Variants in MDGA2 observed in about 807,000 individuals in gnomAD.
MDGA2 encodes the protein MAM domain-containing glycosylphosphatidylinositol anchor protein 2.
A neutral mutation model predicts 117.8 loss-of-function variants in MDGA2; 40 were observed. The ratio of observed to expected loss-of-function variants is 0.34; its 90% confidence interval spans 0.26 to 0.44. MDGA2 has a LOEUF of 0.44. Ranked by LOEUF, MDGA2 falls within the 20% of genes least tolerant of loss-of-function variation. The pLI is 1.00. For synonymous variants in MDGA2, 452 were observed against 439.0 expected (o/e 1.03, Z -0.37); for missense variants, 1,123 against 1,250.6 (o/e 0.90, Z 1.54).
chr14:47,646,463 G>A (rs1371399176), intron 1 of MDGA2, among the ~76,000 whole-genome samples: 2 of 152,098 alleles, frequency 1.3e-5, no homozygotes, highest in East Asian at 3.9e-4. Flanking sequence ...AAAAGTGATT[G>A]AAAATGCATG....
intron 8 of MDGA2, among the ~76,000 whole-genome samples, chr14:47,007,826 T>C (rs539104537): frequency 1.3e-5 from 2 of 151,846 alleles, no homozygotes; most frequent in Non-Finnish European, 2.9e-5. Context: ...GATACTCATT[T>C]TAATGCCATG....
At chr14:47,025,952 C>A (rs775115481) in intron 8 of MDGA2, among the ~76,000 whole-genome samples, 50 of 152,034 alleles carry the variant, frequency 3.3e-4, no homozygotes, top group Non-Finnish European at 5.0e-4. Flanking sequence ...GAATTTGATA[C>A]CAAATACGCC....
chr14:47,332,540 A>C (rs2139915885), intron 1 of MDGA2, among the ~76,000 whole-genome samples: 1 of 148,312 alleles, frequency 6.7e-6, no homozygotes, highest in East Asian at 1.9e-4. Flanking sequence ...TTGAAAGAAA[A>C]AGATGTAAAG....
intron 3 of MDGA2, among the ~76,000 whole-genome samples, chr14:47,184,924 A>T (rs1884850973): frequency 6.6e-6 from 1 of 151,458 alleles, no homozygotes; most frequent in Non-Finnish European, 1.5e-5. Flanking sequence ...TTTAAAACCC[A>T]TTAAAAGAAT....
At chr14:47,117,991 T>G (rs1444809710) in intron 5 of MDGA2, among the ~76,000 whole-genome samples, 1 of 152,212 alleles carries the variant, frequency 6.6e-6, no homozygotes, top group African/African-American at 2.4e-5. Context: ...TTCCAAGTTT[T>G]GCATGCAGTT....
At chr14:47,064,631 T>A (rs1265303313) in intron 6 of MDGA2, among the ~76,000 whole-genome samples, 1 of 152,088 alleles carries the variant, frequency 6.6e-6, no homozygotes, top group Non-Finnish European at 1.5e-5. Flanking sequence ...CTAATTTTTA[T>A]GGATCAAGTG....
chr14:47,066,353 T>C (rs1050387659), intron 6 of MDGA2, among the ~76,000 whole-genome samples: 5 of 152,230 alleles, frequency 3.3e-5, no homozygotes, highest in Admixed American at 3.3e-4. Context: ...TATGGTAAGT[T>C]CCTGTTAATT....
intron 1 of MDGA2, among the ~76,000 whole-genome samples, chr14:47,399,643 A>T (rs1455668901): frequency 2.0e-5 from 3 of 149,424 alleles, no homozygotes; most frequent in Middle Eastern, 6.8e-3. Flanking sequence ...CAGACTGAAT[A>T]AATGCGTATA....
intron 9 of MDGA2, among the ~76,000 whole-genome samples, chr14:46,936,805 G>A (rs1459705172): frequency 6.6e-6 from 1 of 151,724 alleles, no homozygotes; most frequent in Non-Finnish European, 1.5e-5. Context: ...ACACAATAAT[G>A]TCTATATAGG....
intron 8 of MDGA2, among the ~76,000 whole-genome samples, chr14:47,033,479 T>C (rs1280082565): frequency 6.6e-6 from 1 of 152,214 alleles, no homozygotes; most frequent in East Asian, 1.9e-4. Flanking sequence ...ATCAAATTCC[T>C]TTGTGGTCAC....
chr14:47,495,480 T>G (rs1430808373), intron 1 of MDGA2, among the ~76,000 whole-genome samples: 2 of 152,350 alleles, frequency 1.3e-5, no homozygotes, highest in Admixed American at 1.3e-4. Flanking sequence ...GCTTTTACTT[T>G]ATTTATAATT....
intron 1 of MDGA2, among the ~76,000 whole-genome samples, chr14:47,472,269 T>A (rs1346223568): frequency 6.6e-6 from 1 of 152,096 alleles, no homozygotes; most frequent in African/African-American, 2.4e-5. Flanking sequence ...GAGAAATGCA[T>A]CACTAGGCAA....
intron 3 of MDGA2, among the ~76,000 whole-genome samples, chr14:47,152,296 A>C (rs780606283): frequency 2.0e-5 from 3 of 152,166 alleles, no homozygotes; most frequent in Non-Finnish European, 2.9e-5. Flanking sequence ...GCCCAGTTTT[A>C]CTTTGCAATA....
chr14:47,621,562 A>G (rs1426063195), intron 1 of MDGA2, among the ~76,000 whole-genome samples: 4 of 152,124 alleles, frequency 2.6e-5, no homozygotes, highest in Admixed American at 2.0e-4. Context: ...AGCAAACAGC[A>G]TCTCTTCATA....
chr14:47,400,572 T>C (rs1454752986), intron 1 of MDGA2, among the ~76,000 whole-genome samples: 3 of 150,516 alleles, frequency 2.0e-5, no homozygotes, highest in Non-Finnish European at 4.4e-5. Flanking sequence ...TTAAAACCCT[T>C]AGTGGTAGGA....
intron 1 of MDGA2, among the ~76,000 whole-genome samples, chr14:47,461,419 T>C (rs1893484295): frequency 6.6e-6 from 1 of 152,064 alleles, no homozygotes; most frequent in Non-Finnish European, 1.5e-5. Context: ...GTAAAGCTCT[T>C]AGAACAGAGG....
intron 3 of MDGA2, among the ~76,000 whole-genome samples, chr14:47,162,525 T>C (rs1011405099): frequency 5.9e-5 from 9 of 152,284 alleles, no homozygotes; most frequent in African/African-American, 2.2e-4. Context: ...TTTTTTGCTT[T>C]GTGATTTCCT....
At chr14:47,178,122 C>G (rs1351797534) in intron 3 of MDGA2, among the ~76,000 whole-genome samples, 1 of 151,836 alleles carries the variant, frequency 6.6e-6, no homozygotes, top group Non-Finnish European at 1.5e-5. Flanking sequence ...TAGTCAAGGA[C>G]AGCTCCATTT....
At chr14:47,418,377 C>G (rs1360135611) in intron 1 of MDGA2, among the ~76,000 whole-genome samples, 1 of 152,116 alleles carries the variant, frequency 6.6e-6, no homozygotes, top group Non-Finnish European at 1.5e-5. Context: ...CGAGCCACCA[C>G]GCCCAGCCCA....
Sources: allele counts gnomAD v4.1 joint callset (sites outside exome capture counted in the v4.1 genomes callset), GRCh38; gene constraint gnomAD v4.1.1; transcripts MANE v1.5; gene names NCBI Gene and HGNC (gene_info 2026-07-23, HGNC 2026-07-21).